The following BICC1 variants were observed in gnomAD, a reference collection of about 807,000 sequenced individuals.
BICC1 encodes the protein protein bicaudal C homolog 1.
In BICC1, 43 loss-of-function variants were observed where a neutral mutation model predicts 111.0. That is an observed-to-expected ratio of 0.39 (90% CI 0.30 to 0.50). The LOEUF (loss-of-function observed/expected upper bound fraction) is 0.50, where lower values mean the gene tolerates loss of function less well. Ranked by LOEUF, BICC1 falls within the 20% of genes least tolerant of loss-of-function variation. BICC1 has a pLI of 0.88. For synonymous variants in BICC1, 467 were observed against 434.4 expected (o/e 1.07, Z -0.93); for missense variants, 1,091 against 1,203.2 (o/e 0.91, Z 1.38).
chr10:58,793,396 A>C (rs986183995), intron 8 of BICC1, 88 bp from the exon 9 acceptor site: 4 of 1,208,770 alleles, frequency 3.3e-6, no homozygotes, highest in East Asian at 2.4e-5. Context: ...TCTGTAAAAT[A>C]GTGCATTATT....
At chr10:58,776,708 C>T (rs141745784) in intron 3 of BICC1, among the ~76,000 whole-genome samples, 51 of 152,272 alleles carry the variant, frequency 3.3e-4, no homozygotes, top group African/African-American at 1.0e-3. Context: ...CTTATGTCAA[C>T]GACCTCCCTT....
intron 5 of BICC1, 71 bp from the exon 6 acceptor site, chr10:58,788,299 A>G (rs1163534042): frequency 3.2e-5 from 37 of 1,151,184 alleles, no homozygotes; most frequent in Non-Finnish European, 4.7e-5. Context: ...TAGCAAGCAT[A>G]TAGATGAACT....
At chr10:58,816,412 C>T (rs991577005) in intron 18 of BICC1, among the ~76,000 whole-genome samples, 1 of 152,148 alleles carries the variant, frequency 6.6e-6, no homozygotes, top group African/African-American at 2.4e-5. Context: ...AGATAAACAG[C>T]AGCTATCCTT....
chr10:58,812,666 T>A (rs1011495515), intron 17 of BICC1, among the ~76,000 whole-genome samples: 6 of 151,924 alleles, frequency 3.9e-5, no homozygotes, highest in African/African-American at 1.2e-4. Context: ...TTAGTAGATA[T>A]GGGGTTTCAC....
chr10:58,704,630 G>T (rs1840336959), intron 3 of BICC1, among the ~76,000 whole-genome samples: 1 of 152,070 alleles, frequency 6.6e-6, no homozygotes. Flanking sequence ...AGGAATTGTT[G>T]GTCTTTAGAG....
intron 1 of BICC1, among the ~76,000 whole-genome samples, chr10:58,618,347 C>T (rs1050698998): frequency 6.6e-6 from 1 of 152,228 alleles, no homozygotes; most frequent in Non-Finnish European, 1.5e-5. Flanking sequence ...CAATTCCACT[C>T]CTTACATAAC....
rs1182173347 is a variant in BICC1 at position 58,741,020 on chromosome 10, G to A, written c.307+38877G>A. 2.6e-5 allele frequency among the ~76,000 whole-genome samples: 4 copies of A among 152,196 alleles called. No individual in the cohort carries two copies. In the East Asian group the frequency reaches 7.7e-4, roughly 29 times the overall value. On this transcript the variant is annotated intron_variant, in intron 3 of 20. Coordinates refer to ENST00000373886, the MANE Select transcript of BICC1 (RefSeq NM_001080512.3). ...CCGTGAAAGAGTGGTTTCAAATGGT[G>A]AGGAGCATGGTCAAGAGACTGGAAA... is the stretch of plus-strand genomic sequence containing the variant.
intron 1 of BICC1, among the ~76,000 whole-genome samples, chr10:58,588,872 C>G (rs1037800418): frequency 6.6e-6 from 1 of 152,204 alleles, no homozygotes; most frequent in Non-Finnish European, 1.5e-5. Flanking sequence ...TTGCGACTCA[C>G]CATCCTGTGT....
At position 58,798,534 on chromosome 10, in the gene BICC1, C is replaced by G; in HGVS notation, c.1502C>G (p.Pro501Arg). The change falls in exon 11 of 21, where the codon CCA becomes CGA. Residue 501 changes from proline (P) to arginine (R), a missense_variant. Around this residue, in one of 3 missense-constraint regions of BICC1, gnomAD observed 843 missense variants for 900.8 expected, o/e 0.94. Transcript: ENST00000373886. The part of the protein sequence containing the change: ...GTPSPTLWAP[P>R]LANTSSATGF... Reference sequence around the variant, plus strand: ...CCCAGCCCCACATTATGGGCACCCCCACTTGCTAATACTTCAAGTGCCACA... The same window carrying G: ...CCCAGCCCCACATTATGGGCACCCCGACTTGCTAATACTTCAAGTGCCACA... 6.2e-7 allele frequency: 1 copy of G among 1,610,330 alleles called. No individual in the cohort carries two copies.
chr10:58,646,441 G>A (rs1838272449), intron 2 of BICC1, among the ~76,000 whole-genome samples: 1 of 152,120 alleles, frequency 6.6e-6, no homozygotes, highest in Non-Finnish European at 1.5e-5. Flanking sequence ...ATATTTTCTA[G>A]TAAGTTATGA....
intron 17 of BICC1, 34 bp from the exon 18 acceptor site, chr10:58,813,796 A>G (rs1262478590): frequency 1.2e-6 from 2 of 1,604,788 alleles, no homozygotes; most frequent in Admixed American, 3.4e-5. Context: ...CCACCTGATT[A>G]AATATTTCCT....
At chr10:58,604,271 A>G (rs998937704) in intron 1 of BICC1, among the ~76,000 whole-genome samples, 1 of 152,226 alleles carries the variant, frequency 6.6e-6, no homozygotes, top group Non-Finnish European at 1.5e-5. Flanking sequence ...CCACAGTGAT[A>G]AACACATTGT....
intron 20 of BICC1, 30 bp from the exon 21 acceptor site, chr10:58,828,731 C>A (rs1235034647): frequency 6.2e-7 from 1 of 1,608,230 alleles, no homozygotes; most frequent in South Asian, 1.1e-5. Flanking sequence ...TTCTCTTGAG[C>A]TCCTAACAAT....
At chr10:58,824,812 A>G (rs1844349856) in intron 20 of BICC1, among the ~76,000 whole-genome samples, 1 of 152,122 alleles carries the variant, frequency 6.6e-6, no homozygotes, top group African/African-American at 2.4e-5. Flanking sequence ...GGGTATTTGC[A>G]TTTGTTTGGT....
At position 58,514,777 on chromosome 10, in the gene BICC1, C is replaced by G. The variant is rs141792281; in HGVS notation, c.190+1444C>G. ...TAAGATAGATTTGGAAATTAAAGCC[C>G]CAGTTGCATTTCAGTAACTCATTTC... On this transcript the variant is annotated intron_variant, in intron 1 of 20. Coordinates refer to ENST00000373886, the MANE Select transcript of BICC1 (RefSeq NM_001080512.3). Among the ~76,000 whole-genome samples, 899 of 152,264 alleles carry G rather than the reference C, an allele frequency of 5.9e-3. 3 individuals carry two copies. Among genetic ancestry groups the G allele is most frequent in the Non-Finnish European group, 9.1e-3 (622 of 68,022 alleles).
chr10:58,555,566 C>T (rs529893280), intron 1 of BICC1, among the ~76,000 whole-genome samples: 3 of 152,052 alleles, frequency 2.0e-5, no homozygotes, highest in East Asian at 3.9e-4. Context: ...AGCAGATCAG[C>T]GTTCTTATCT....
chr10:58,684,773 T>G (rs1187989512), intron 2 of BICC1, among the ~76,000 whole-genome samples: 3 of 152,212 alleles, frequency 2.0e-5, no homozygotes, highest in Admixed American at 2.0e-4. Flanking sequence ...TCTTCTTTAT[T>G]AGTCTTGCCT....
At chr10:58,714,764 A>T (rs1840684709) in intron 3 of BICC1, among the ~76,000 whole-genome samples, 1 of 152,108 alleles carries the variant, frequency 6.6e-6, no homozygotes, top group Non-Finnish European at 1.5e-5. Context: ...GCTGGACAGA[A>T]TTCAGGGACA....
intron 1 of BICC1, among the ~76,000 whole-genome samples, chr10:58,597,373 A>C (rs1450457976): frequency 6.6e-6 from 1 of 152,186 alleles, no homozygotes; most frequent in Non-Finnish European, 1.5e-5. Context: ...CACAGATCAC[A>C]TGCTTCTGAG....
Sources: allele counts gnomAD v4.1 joint callset (sites outside exome capture counted in the v4.1 genomes callset), GRCh38; gene constraint gnomAD v4.1.1; regional missense constraint gnomAD v4.1.1; transcripts MANE v1.5; gene names NCBI Gene and HGNC (gene_info 2026-07-23, HGNC 2026-07-21).